The following WWP1 variants were observed in gnomAD, a reference collection of about 807,000 sequenced individuals.
WWP1 encodes NEDD4-like E3 ubiquitin-protein ligase WWP1.
In WWP1, 49 loss-of-function variants were observed where a neutral mutation model predicts 130.6. The observed-to-expected ratio is 0.38, with a 90% confidence interval of 0.30 to 0.48. WWP1 has a LOEUF of 0.48. WWP1 is among the 20% of genes least tolerant of loss of function. The pLI is 0.99. For missense variants in WWP1, 809 were observed against 1,100.6 expected, an observed-to-expected ratio of 0.74 and a Z score of 3.75; for synonymous variants, 332 against 367.8, an observed-to-expected ratio of 0.90 and a Z score of 1.11.
chr8:86,400,715 T>A (rs1807927957), intron 7 of WWP1, among the ~76,000 whole-genome samples: 1 of 152,234 alleles, frequency 6.6e-6, no homozygotes, highest in East Asian at 1.9e-4. Context: ...TAATTTGTAA[T>A]AAACATTTGA....
Position 86,438,611 on chromosome 8 carries a change from G to T in WWP1, c.1776G>T (p.Leu592Phe). 6.2e-7 allele frequency: 1 copy of T among 1,607,976 alleles called. No homozygotes were observed. Among genetic ancestry groups the T allele is most frequent in the South Asian group, 1.1e-5 (1 of 89,406 alleles). ...QQIMALKPYD[L>F]RRRLYVIFRG... ...TTATGGCATTAAAACCCTATGACTT[G>T]AGGAGGCGCTTATATGTAATATTTA... Residue 592 changes from leucine (L) to phenylalanine (F), a missense_variant, in exon 17 of 25, where the codon TTG becomes TTT. Physicochemically the swap from Leu to Phe is conservative, Grantham distance 22. Transcript: ENST00000517970.
At chr8:86,385,437 A>G (rs969322637) in intron 5 of WWP1, among the ~76,000 whole-genome samples, 1 of 152,208 alleles carries the variant, frequency 6.6e-6, no homozygotes, top group Non-Finnish European at 1.5e-5. Context: ...CTCTTCAGGA[A>G]GAACCCGGGA....
At chr8:86,378,570 A>C (rs1824802944) in intron 3 of WWP1, among the ~76,000 whole-genome samples, 1 of 152,196 alleles carries the variant, frequency 6.6e-6, no homozygotes. Flanking sequence ...TAAATGAGAA[A>C]AAAAATCTAT....
intron 5 of WWP1, among the ~76,000 whole-genome samples, chr8:86,395,325 G>T (rs915873696): frequency 6.6e-6 from 1 of 152,212 alleles, no homozygotes; most frequent in African/African-American, 2.4e-5. Context: ...AGCAGCCATA[G>T]AGAATATGTA....
At chr8:86,370,603 T>C (rs1264668388) in intron 2 of WWP1, among the ~76,000 whole-genome samples, 1 of 152,118 alleles carries the variant, frequency 6.6e-6, no homozygotes, top group Non-Finnish European at 1.5e-5. Context: ...TTTTCAATCA[T>C]GGAATCATGG....
intron 24 of WWP1, among the ~76,000 whole-genome samples, chr8:86,464,725 C>T (rs1201961412): frequency 1.3e-5 from 2 of 151,988 alleles, no homozygotes; most frequent in African/African-American, 4.8e-5. Flanking sequence ...TGTGTTGTCC[C>T]AGGTGGGTCT....
At chr8:86,465,320 AAAAG>A (rs1812003595) in intron 24 of WWP1, among the ~76,000 whole-genome samples, 1 of 139,576 alleles carries the variant, frequency 7.2e-6, no homozygotes, top group African/African-American at 2.5e-5. Context: ...CAAAAAGTAA[AAAAG>A]AAACAAAACA....
intron 8 of WWP1, among the ~76,000 whole-genome samples, chr8:86,404,578 C>A (rs952196008): frequency 6.6e-6 from 1 of 152,124 alleles, no homozygotes; most frequent in African/African-American, 2.4e-5. Context: ...CATGAAGGTT[C>A]CATCATAAAT....
In WWP1 at chr8:86,398,499, T is replaced by C. The variant is rs1210965495; in HGVS notation, c.472+20T>C. The C allele has an allele frequency of 6.2e-7, 1 of 1,609,414 alleles. No homozygotes were observed. The highest frequency in any genetic ancestry group is 2.2e-5 in the East Asian group (1 of 44,794). On this transcript the variant is annotated intron_variant, in intron 6 of 24. Transcript: ENST00000517970. ...CAACCAGTAAGCTAACTTTATATGT[T>C]TGTAAAATTTCAAGGAAAAAGAATA...
In WWP1 at chr8:86,451,050, AAAAT is replaced by A. The variant is rs371952096; in HGVS notation, c.2274-1489_2274-1486del. Among the ~76,000 whole-genome samples, 25 of 150,982 alleles carry A rather than the reference AAAAT, an allele frequency of 1.7e-4. No individual in the cohort carries two copies. The South Asian group carries it at 1.7e-3, about 10-fold the overall frequency. On this transcript the variant is annotated intron_variant, in intron 20 of 24. Coordinates refer to ENST00000517970, the MANE Select transcript of WWP1 (RefSeq NM_007013.4). ...AACATGGCAAAACCTCATCTCTACAAAAATAAATAAATAAATAAATAAAATTTTT... is the reference window on the plus strand; with the variant it reads ...AACATGGCAAAACCTCATCTCTACAAAAATAAATAAATAAATAAAATTTTT...
intron 1 of WWP1, among the ~76,000 whole-genome samples, chr8:86,349,374 C>T (rs1229002727): frequency 6.6e-6 from 1 of 152,174 alleles, no homozygotes; most frequent in Non-Finnish European, 1.5e-5. Flanking sequence ...TCATTTCTGC[C>T]TTATTATACT....
intron 14 of WWP1, among the ~76,000 whole-genome samples, chr8:86,434,957 G>A (rs1424972146): frequency 6.6e-6 from 1 of 152,166 alleles, no homozygotes; most frequent in African/African-American, 2.4e-5. Context: ...TAGGTGCCGT[G>A]CCACCAACTC....
At chr8:86,412,935 T>C (rs1808674430) in intron 9 of WWP1, among the ~76,000 whole-genome samples, 1 of 151,986 alleles carries the variant, frequency 6.6e-6, no homozygotes, top group Non-Finnish European at 1.5e-5. Context: ...TTCAAGTGAG[T>C]CTGCTGCCTT....
At chr8:86,458,598 A>G (rs917811571) in intron 22 of WWP1, among the ~76,000 whole-genome samples, 5 of 152,174 alleles carry the variant, frequency 3.3e-5, no homozygotes, top group Non-Finnish European at 7.4e-5. Flanking sequence ...GAGAATTTAA[A>G]ATCTCCAAAT....
intron 1 of WWP1, among the ~76,000 whole-genome samples, chr8:86,368,546 T>C (rs538979837): frequency 1.3e-5 from 2 of 152,296 alleles, no homozygotes; most frequent in Admixed American, 6.5e-5. Flanking sequence ...GCTTCCAAAG[T>C]TATTTTTCCA....
At chr8:86,351,655 A>G (rs1199136996) in intron 1 of WWP1, among the ~76,000 whole-genome samples, 1 of 152,116 alleles carries the variant, frequency 6.6e-6, no homozygotes, top group African/African-American at 2.4e-5. Context: ...AAGTTGCTAA[A>G]AGGGTAAGCA....
intron 5 of WWP1, among the ~76,000 whole-genome samples, chr8:86,382,832 T>C (rs1172454887): frequency 1.3e-5 from 2 of 152,248 alleles, no homozygotes; most frequent in African/African-American, 4.8e-5. Flanking sequence ...AAATAGGCTC[T>C]TGCTCAAATC....
intron 8 of WWP1, among the ~76,000 whole-genome samples, chr8:86,411,159 A>C (rs1808560016): frequency 6.6e-6 from 1 of 152,304 alleles, no homozygotes. Context: ...GCTACCACTT[A>C]CACAAGGGAA....
intron 1 of WWP1, among the ~76,000 whole-genome samples, chr8:86,350,391 A>G (rs1319848491): frequency 6.6e-6 from 1 of 152,170 alleles, no homozygotes; most frequent in Non-Finnish European, 1.5e-5. Context: ...AATGCATTTC[A>G]TTTTAAGAAT....
Sources: gnomAD v4.1 joint callset for allele counts (sites outside exome capture counted in the v4.1 genomes callset) on GRCh38, gnomAD v4.1.1 for gene constraint, MANE v1.5 for transcripts, NCBI Gene and HGNC (gene_info 2026-07-23, HGNC 2026-07-21) for gene names.